Variants in USP24 observed in about 807,000 individuals in gnomAD.
USP24 encodes ubiquitin carboxyl-terminal hydrolase 24.
In USP24, 97 loss-of-function variants were observed where a neutral mutation model predicts 361.6. The observed-to-expected ratio is 0.27, with a 90% CI of 0.23 to 0.32. The LOEUF is 0.32. USP24 is among the 10% of genes least tolerant of loss of function. USP24 has a pLI of 1.00. For synonymous variants in USP24, 1,098 were observed against 1,124.6 expected, an observed-to-expected ratio of 0.98 and a Z score of 0.47; for missense variants, 2,353 against 3,165.6, an observed-to-expected ratio of 0.74 and a Z score of 6.16.
intron 28 of USP24, among the ~76,000 whole-genome samples, chr1:55,135,219 C>T (rs1273186890): frequency 6.6e-6 from 1 of 151,958 alleles, no homozygotes; most frequent in African/African-American, 2.4e-5. Flanking sequence ...TCCTGGCCTC[C>T]AACAATCCTC....
intron 1 of USP24, among the ~76,000 whole-genome samples, chr1:55,201,332 G>C (rs948490030): frequency 1.3e-5 from 2 of 152,096 alleles, no homozygotes; most frequent in African/African-American, 4.8e-5. Flanking sequence ...TAGGCTGGGC[G>C]CAGTGGCTCA....
chr1:55,190,044 A>C (rs2100871554), intron 1 of USP24, among the ~76,000 whole-genome samples: 1 of 151,828 alleles, frequency 6.6e-6, no homozygotes, highest in Admixed American at 6.6e-5. Context: ...AGGCACCTGT[A>C]ATCCCAGCTA....
chr1:55,110,396 G>T, intron 38 of USP24, 150 bp from the exon 39 acceptor site: 1 of 608,018 alleles, frequency 1.6e-6, no homozygotes. Context: ...CCATATTTTA[G>T]CAAGAAGCAT....
At chr1:55,191,145 A>G (rs1011043545) in intron 1 of USP24, among the ~76,000 whole-genome samples, 2 of 152,344 alleles carry the variant, frequency 1.3e-5, no homozygotes, top group East Asian at 3.9e-4. Flanking sequence ...AAAATTTTTA[A>G]TAACATTAAA....
At chr1:55,210,052 ATAT>A (rs763722008) in intron 1 of USP24, among the ~76,000 whole-genome samples, 3 of 152,170 alleles carry the variant, frequency 2.0e-5, no homozygotes, top group East Asian at 1.9e-4. Context: ...TAAGCTAACA[ATAT>A]TATTATGCTG....
At position 55,091,267 on chromosome 1, in the gene USP24, T is replaced by A. The variant is rs1332444824; in HGVS notation, c.6554+756A>T. ...GTGAGCATTACAGCCTGAGCTCCAC[T>A]TCCTGTCAGATCAGTGGCAGCATTA... On this transcript the variant is annotated intron_variant, in intron 54 of 67. Coordinates refer to ENST00000294383, the MANE Select transcript of USP24 (RefSeq NM_015306.3). Among the ~76,000 whole-genome samples the A allele has an allele frequency of 5.9e-5, 9 of 152,132 alleles. No individual in the cohort carries two copies. In the East Asian group the frequency reaches 1.7e-3, roughly 29 times the overall value.
At chr1:55,178,236 T>A in intron 1 of USP24, 104 bp from the exon 2 acceptor site, 1 of 1,130,572 alleles carries the variant, frequency 8.8e-7, no homozygotes, top group Non-Finnish European at 1.3e-6. Context: ...TGGTAGCTAT[T>A]AATACCAATA....
chr1:55,167,022 C>T (rs1231133652), intron 5 of USP24, among the ~76,000 whole-genome samples: 2 of 152,174 alleles, frequency 1.3e-5, no homozygotes, highest in African/African-American at 4.8e-5. Flanking sequence ...TAAGCAAGCT[C>T]TATTTTCTCC....
intron 1 of USP24, among the ~76,000 whole-genome samples, chr1:55,208,495 G>A (rs996768991): frequency 6.6e-6 from 1 of 151,684 alleles, no homozygotes; most frequent in African/African-American, 2.4e-5. Flanking sequence ...GGATGTGGTT[G>A]GTGCATGCCT....
At chr1:55,183,192 C>A (rs981507310) in intron 1 of USP24, among the ~76,000 whole-genome samples, 2 of 152,144 alleles carry the variant, frequency 1.3e-5, no homozygotes, top group Non-Finnish European at 2.9e-5. Context: ...GGATTTAGTA[C>A]TGGATCAATG....
intron 56 of USP24, chr1:55,084,489 C>T (rs975806625): frequency 1.3e-5 from 2 of 152,286 alleles, no homozygotes; most frequent in African/African-American, 4.8e-5. Flanking sequence ...TTCCCTCCCA[C>T]CCCAACTGTT....
intron 1 of USP24, among the ~76,000 whole-genome samples, chr1:55,188,123 G>A (rs751489611): frequency 6.6e-6 from 1 of 152,072 alleles, no homozygotes; most frequent in Non-Finnish European, 1.5e-5. Flanking sequence ...CAAGAGTCAC[G>A]AGACAACTTA....
chr1:55,090,832 C>T (rs1474067207), intron 54 of USP24, among the ~76,000 whole-genome samples: 2 of 152,228 alleles, frequency 1.3e-5, no homozygotes, highest in African/African-American at 4.8e-5. Flanking sequence ...CGCCTGTAAT[C>T]TCTGCACTTT....
chr1:55,105,974 C>T (rs1219688299), intron 41 of USP24, among the ~76,000 whole-genome samples, 172 bp downstream of exon 41: 2 of 152,182 alleles, frequency 1.3e-5, no homozygotes, highest in Non-Finnish European at 2.9e-5. Flanking sequence ...TTACTATGTG[C>T]CAGGCAGGCT....
At chr1:55,156,905 CA>C in intron 12 of USP24, 42 bp downstream of exon 12, 4 of 1,481,422 alleles carry the variant, frequency 2.7e-6, no homozygotes, top group Non-Finnish European at 3.8e-6. Context: ...TCCTGTAGTC[CA>C]AAAACATTAG....
rs777887099 is a variant in USP24 at position 55,146,000 on chromosome 1, T to C, written c.2360A>G (p.Asn787Ser). 3 of 1,604,348 alleles carry C rather than the reference T, an allele frequency of 1.9e-6. No homozygotes were observed. The Admixed American group carries it at 5.0e-5, about 27-fold the overall frequency. ...AATGATTTTAAGTTTTTTCCTACCATTCATAGTGATTTCATATGACTCCAA... is the reference window on the plus strand; with the variant it reads ...AATGATTTTAAGTTTTTTCCTACCACTCATAGTGATTTCATATGACTCCAA... The part of the protein sequence containing the change: ...LKLESYEITM[N>S]GFNLFKTFFE... Residue 787 changes from asparagine to serine, a missense_variant and splice_region_variant, in exon 20 of 68, where the codon AAT becomes AGT. Physicochemically the swap from Asn to Ser is conservative, Grantham distance 46 (BLOSUM62 1). This residue lies in a region of USP24 where 949 missense variants were observed against 1,280.5 expected (regional missense o/e 0.74). Coordinates refer to ENST00000294383, the MANE Select transcript of USP24 (RefSeq NM_015306.3).
At chr1:55,168,336 C>T (rs566731346) in intron 5 of USP24, among the ~76,000 whole-genome samples, 65 of 152,104 alleles carry the variant, frequency 4.3e-4, no homozygotes, top group African/African-American at 1.5e-3. Flanking sequence ...GTCTAAGTAT[C>T]CTAAATGGTT....
At chr1:55,155,679 C>T (rs1349091866) in intron 12 of USP24, among the ~76,000 whole-genome samples, 2 of 152,150 alleles carry the variant, frequency 1.3e-5, no homozygotes, top group Non-Finnish European at 2.9e-5. Context: ...AACTACATTT[C>T]CCAAACTCCT....
chr1:55,182,344 C>T (rs972261902), intron 1 of USP24, among the ~76,000 whole-genome samples: 2 of 152,024 alleles, frequency 1.3e-5, no homozygotes, highest in African/African-American at 2.4e-5. Flanking sequence ...TGAGCCATTG[C>T]GCCCGGCCTC....
Sources: gnomAD v4.1 joint callset for allele counts (sites outside exome capture counted in the v4.1 genomes callset) on GRCh38, gnomAD v4.1.1 for gene constraint, gnomAD v4.1.1 regional missense constraint, MANE v1.5 for transcripts, NCBI Gene and HGNC (gene_info 2026-07-23, HGNC 2026-07-21) for gene names.